The following CFAP299 variants were observed in gnomAD, a reference collection of about 807,000 sequenced individuals.
The protein encoded by CFAP299 is cilia- and flagella-associated protein 299.
A neutral mutation model predicts 27.0 loss-of-function variants in CFAP299; 21 were observed. The ratio of observed to expected loss-of-function variants is 0.78; its 90% confidence interval spans 0.55 to 1.12. The LOEUF (loss-of-function observed/expected upper bound fraction) is 1.12, where lower values mean the gene tolerates loss of function less well. Ranked by LOEUF, CFAP299 falls within the 50% of genes most tolerant of loss-of-function variation. CFAP299 has a pLI of 0.00. For synonymous variants in CFAP299, 104 were observed against 98.1 expected, an observed-to-expected ratio of 1.06 and a Z score of -0.36; for missense variants, 310 against 276.6, an observed-to-expected ratio of 1.12 and a Z score of -0.86.
chr4:80,537,254 G>T (rs1403614335), intron 2 of CFAP299, among the ~76,000 whole-genome samples: 1 of 152,084 alleles, frequency 6.6e-6, no homozygotes, highest in Middle Eastern at 3.4e-3. Flanking sequence ...AATGGGTACA[G>T]CCATTATTAT....
chr4:80,527,905 T>A (rs999259727), intron 2 of CFAP299, among the ~76,000 whole-genome samples: 1 of 152,094 alleles, frequency 6.6e-6, no homozygotes, highest in Non-Finnish European at 1.5e-5. Context: ...GACTGATATT[T>A]TCCTGGTTGA....
At chr4:80,633,736 T>G (rs1210061473) in intron 3 of CFAP299, among the ~76,000 whole-genome samples, 1 of 152,136 alleles carries the variant, frequency 6.6e-6, no homozygotes, top group Non-Finnish European at 1.5e-5. Flanking sequence ...AATAAAATCT[T>G]ACTCGTTTGA....
intron 2 of CFAP299, among the ~76,000 whole-genome samples, chr4:80,489,254 T>C (rs769424782): frequency 6.6e-6 from 1 of 152,174 alleles, no homozygotes; most frequent in Non-Finnish European, 1.5e-5. Context: ...CAATTTCATC[T>C]TGTGGTTTTG....
At chr4:80,636,862 C>A (rs1235162241) in intron 3 of CFAP299, among the ~76,000 whole-genome samples, 1 of 152,058 alleles carries the variant, frequency 6.6e-6, no homozygotes, top group Admixed American at 6.6e-5. Context: ...TTACTTGTTC[C>A]TTGTAGAGAA....
intron 3 of CFAP299, among the ~76,000 whole-genome samples, chr4:80,678,861 CT>C (rs1351883843): frequency 6.6e-6 from 1 of 152,044 alleles, no homozygotes; most frequent in Non-Finnish European, 1.5e-5. Context: ...TATAAATGTA[CT>C]CCAATATTAA....
intron 3 of CFAP299, among the ~76,000 whole-genome samples, chr4:80,827,235 A>G (rs1730035245): frequency 6.6e-6 from 1 of 151,862 alleles, no homozygotes; most frequent in Non-Finnish European, 1.5e-5. Flanking sequence ...TATTAATCAG[A>G]TACCAAAGTC....
At chr4:80,570,461 A>G (rs1410043030) in intron 2 of CFAP299, among the ~76,000 whole-genome samples, 1 of 152,072 alleles carries the variant, frequency 6.6e-6, no homozygotes, top group Non-Finnish European at 1.5e-5. Flanking sequence ...TGGACAAAAA[A>G]CTGGAATGAG....
At position 80,409,497 on chromosome 4, in the gene CFAP299, C is replaced by G. The variant is rs189283578; in HGVS notation, c.242+46613C>G. Among the ~76,000 whole-genome samples, 114 of 152,272 alleles carry G rather than the reference C, an allele frequency of 7.5e-4. 1 individual carries two copies. Among genetic ancestry groups the G allele is most frequent in the Non-Finnish European group, 8.5e-4 (58 of 68,012 alleles). On this transcript the variant is annotated intron_variant, in intron 2 of 5. Transcript: ENST00000358105. ...ATTGTTTGCTCATAAAACACTCCTA[C>G]AAAGTTTGTTAATCATTCTCAAATT...
intron 2 of CFAP299, among the ~76,000 whole-genome samples, chr4:80,426,973 A>T (rs974283020): frequency 6.6e-6 from 1 of 152,218 alleles, no homozygotes; most frequent in Non-Finnish European, 1.5e-5. Context: ...TTTCAAGAGT[A>T]ATAAAATGTA....
intron 1 of CFAP299, among the ~76,000 whole-genome samples, chr4:80,346,049 T>C (rs1722709997): frequency 1.3e-5 from 2 of 152,240 alleles, no homozygotes; most frequent in Non-Finnish European, 2.9e-5. Context: ...TTTTCATGTG[T>C]CTGTTGGCTG....
chr4:80,340,143 G>A (rs1722371419), intron 1 of CFAP299, among the ~76,000 whole-genome samples: 1 of 152,128 alleles, frequency 6.6e-6, no homozygotes, highest in Admixed American at 6.5e-5. Flanking sequence ...TTTTCACTTT[G>A]GGACTCACTA....
At chr4:80,493,002 A>G (rs747198459) in intron 2 of CFAP299, among the ~76,000 whole-genome samples, 6 of 152,122 alleles carry the variant, frequency 3.9e-5, no homozygotes, top group South Asian at 2.1e-4. Context: ...GTTATCTCCT[A>G]TCTCCAGGAA....
At chr4:80,370,950 A>C (rs1724116003) in intron 2 of CFAP299, among the ~76,000 whole-genome samples, 1 of 152,084 alleles carries the variant, frequency 6.6e-6, no homozygotes, top group Admixed American at 6.5e-5. Context: ...TCCCTTCCTC[A>C]CTGCCCTAGA....
At chr4:80,602,788 C>T (rs1309567740) in intron 3 of CFAP299, among the ~76,000 whole-genome samples, 2 of 152,102 alleles carry the variant, frequency 1.3e-5, no homozygotes, top group South Asian at 2.1e-4. Context: ...CGTTGCAGAT[C>T]GCAAAGCTTC....
At chr4:80,596,812 G>T (rs186595614) in intron 3 of CFAP299, among the ~76,000 whole-genome samples, 185 of 151,940 alleles carry the variant, frequency 1.2e-3, no homozygotes, top group Middle Eastern at 0.01. Flanking sequence ...GAACAATTTT[G>T]TCATTTTTAA....
intron 3 of CFAP299, among the ~76,000 whole-genome samples, chr4:80,841,903 C>T (rs1730881073): frequency 1.3e-5 from 2 of 152,076 alleles, no homozygotes; most frequent in African/African-American, 4.8e-5. Context: ...AAAAAAAGGT[C>T]TTGGCAAGAA....
intron 3 of CFAP299, among the ~76,000 whole-genome samples, chr4:80,590,400 A>G (rs1736669343): frequency 6.6e-6 from 1 of 152,168 alleles, no homozygotes; most frequent in Non-Finnish European, 1.5e-5. Context: ...GCACTTTGGA[A>G]GGCCGAGATG....
intron 2 of CFAP299, among the ~76,000 whole-genome samples, chr4:80,512,221 AGT>A (rs3037370): frequency 1.7e-3 from 254 of 148,252 alleles, no homozygotes; most frequent in East Asian, 5.8e-3. Flanking sequence ...CATATTACAT[AGT>A]GTGTGTGTGT....
chr4:80,608,734 A>G (rs1452937911), intron 3 of CFAP299, among the ~76,000 whole-genome samples: 1 of 152,082 alleles, frequency 6.6e-6, no homozygotes, highest in Non-Finnish European at 1.5e-5. Flanking sequence ...TAGAAAGCAG[A>G]TGTTACCAAT....
Sources: allele counts gnomAD v4.1 joint callset (sites outside exome capture counted in the v4.1 genomes callset), GRCh38; gene constraint gnomAD v4.1.1; transcripts MANE v1.5; gene names NCBI Gene and HGNC (gene_info 2026-07-23, HGNC 2026-07-21).